Variants in ZBBX observed in about 807,000 individuals in gnomAD.
The protein encoded by ZBBX is zinc finger B-box domain-containing protein 1.
A neutral mutation model predicts 108.5 loss-of-function variants in ZBBX; 101 were observed. The ratio of observed to expected loss-of-function variants is 0.93; its 90% confidence interval spans 0.79 to 1.10. ZBBX has a LOEUF of 1.10. ZBBX is among the 50% of genes least tolerant of loss of function. ZBBX has a pLI of 0.00. For missense variants in ZBBX, 1,009 were observed against 941.4 expected (o/e 1.07, Z -0.94); for synonymous variants, 356 against 323.4 (o/e 1.10, Z -1.08).
intron 20 of ZBBX, among the ~76,000 whole-genome samples, chr3:167,276,243 A>G (rs565721974): frequency 1.3e-5 from 2 of 152,372 alleles, no homozygotes; most frequent in South Asian, 4.1e-4. Flanking sequence ...TGGATGGAGA[A>G]TGACTTTGAC....
At chr3:167,294,920 G>C (rs1731354627) in intron 18 of ZBBX, among the ~76,000 whole-genome samples, 1 of 152,094 alleles carries the variant, frequency 6.6e-6, no homozygotes, top group Non-Finnish European at 1.5e-5. Flanking sequence ...CATTTATGCA[G>C]CCAACAAACA....
chr3:167,400,020 G>T (rs906322626), intron 1 of ZBBX, among the ~76,000 whole-genome samples: 3 of 152,118 alleles, frequency 2.0e-5, no homozygotes, highest in Non-Finnish European at 4.4e-5. Flanking sequence ...CAACCATGTT[G>T]CTGCAGAGGA....
rs533068973 is a variant in ZBBX, at chr3:167,284,885, C to T, written c.1997-2390G>A. On this transcript the variant is annotated intron_variant, in intron 19 of 21. Coordinates refer to ENST00000675490, the MANE Select transcript of ZBBX (RefSeq NM_001199201.2). Reference sequence around the variant, plus strand: ...TTAATATATAAGGGTACTAATGTTACGGTTAAGTTTAAGATATAACACAAC... The same window carrying T: ...TTAATATATAAGGGTACTAATGTTATGGTTAAGTTTAAGATATAACACAAC... Among the ~76,000 whole-genome samples, 8 of 151,988 alleles carry T rather than the reference C, an allele frequency of 5.3e-5. 1 individual carries two copies. The highest frequency in any genetic ancestry group is 3.9e-4 in the Admixed American group (6 of 15,262).
chr3:167,308,634 G>C (rs1576956723), intron 16 of ZBBX, among the ~76,000 whole-genome samples: 1 of 152,018 alleles, frequency 6.6e-6, no homozygotes, highest in Non-Finnish European at 1.5e-5. Context: ...AGAAAAACAA[G>C]ATCATGTACT....
intron 18 of ZBBX, among the ~76,000 whole-genome samples, chr3:167,297,209 T>G (rs965257634): frequency 7.9e-5 from 12 of 152,010 alleles, no homozygotes; most frequent in East Asian, 1.9e-4. Context: ...AATCATTTTT[T>G]TGTGTGTGTG....
At chr3:167,224,560 T>C in the ZBBX span, among the ~76,000 whole-genome samples, 4 of 151,928 alleles carry the variant, frequency 2.6e-5, no homozygotes, top group East Asian at 1.9e-4. Flanking sequence ...CATTTTATGG[T>C]AGATAATAAA....
chr3:167,282,668 A>C, intron 19 of ZBBX, 173 bp from the exon 20 acceptor site: 1 of 557,744 alleles, frequency 1.8e-6, no homozygotes. Flanking sequence ...TCTTAATCTC[A>C]AATTACTTTT....
intron 20 of ZBBX, among the ~76,000 whole-genome samples, chr3:167,267,367 C>A (rs984993910): frequency 1.8e-4 from 28 of 152,220 alleles, no homozygotes; most frequent in East Asian, 1.7e-3. Flanking sequence ...AATAAGCCTC[C>A]AGGGAAGGAT....
chr3:167,329,461 C>T lies in ZBBX; in HGVS notation c.688-1345G>A, dbSNP rs73879669. Among the ~76,000 whole-genome samples, 379 of 152,262 alleles carry T rather than the reference C, an allele frequency of 2.5e-3. 4 individuals are homozygous for T. The highest frequency in any genetic ancestry group is 8.5e-3 in the African/African-American group (353 of 41,566). ...GAGCAAAAAGTATCTGAGGACCTGT[C>T]AGACACTAGACACCATGCTAACCGT... is the stretch of plus-strand genomic sequence containing the variant. On this transcript the variant is annotated intron_variant, in intron 10 of 21. Transcript: ENST00000675490.
Position 167,305,919 on chromosome 3 carries a change from G to A in ZBBX, c.1449C>T (p.Ile483=), listed in dbSNP as rs751732507. 2.5e-5 allele frequency: 39 copies of A among 1,570,036 alleles called. No individual in the cohort carries two copies. The highest frequency in any genetic ancestry group is 1.8e-4 in the Middle Eastern group (1 of 5,702). ...CAGAAGAATACACATCAGGATCCACGATGTTGTCAAAATCTGTGTTTGAAG... is the reference window on the plus strand; with the variant it reads ...CAGAAGAATACACATCAGGATCCACAATGTTGTCAAAATCTGTGTTTGAAG... ...AETSNTDFDN[I]VDPDVYSSDI... Residue 483 remains isoleucine (I), a synonymous_variant, in exon 17 of 22, where the codon ATC becomes ATT. Coordinates refer to ENST00000675490, the MANE Select transcript of ZBBX (RefSeq NM_001199201.2).
intron 20 of ZBBX, among the ~76,000 whole-genome samples, chr3:167,250,976 G>A (rs1184205744): frequency 1.3e-5 from 2 of 152,088 alleles, no homozygotes; most frequent in East Asian, 1.9e-4. Context: ...GTACATCAGC[G>A]GAAAAAGACA....
intron 18 of ZBBX, 53 bp downstream of exon 18, chr3:167,298,252 G>A: frequency 2.8e-6 from 4 of 1,407,586 alleles, no homozygotes; most frequent in Non-Finnish European, 3.8e-6. Flanking sequence ...GAATTGCTCA[G>A]TATTTCCTAA....
At chr3:167,369,991 C>A (rs1745909768) in intron 4 of ZBBX, among the ~76,000 whole-genome samples, 1 of 152,002 alleles carries the variant, frequency 6.6e-6, no homozygotes, top group African/African-American at 2.4e-5. Flanking sequence ...TGGATAGGAT[C>A]ATGAAGAGCC....
chr3:167,286,592 A>G (rs1729748362), intron 19 of ZBBX, among the ~76,000 whole-genome samples: 1 of 152,194 alleles, frequency 6.6e-6, no homozygotes, highest in South Asian at 2.1e-4. Flanking sequence ...GGCTTGGACT[A>G]ATCTTGAATA....
At chr3:167,356,477 C>T (rs1560175576) in intron 8 of ZBBX, among the ~76,000 whole-genome samples, 1 of 152,020 alleles carries the variant, frequency 6.6e-6, no homozygotes, top group Non-Finnish European at 1.5e-5. Flanking sequence ...GCTAAGTTCT[C>T]TAAAACTGTA....
At chr3:167,402,711 A>G (rs1748462251) in intron 1 of ZBBX, among the ~76,000 whole-genome samples, 2 of 152,050 alleles carry the variant, frequency 1.3e-5, no homozygotes, top group South Asian at 4.1e-4. Flanking sequence ...ATAGGTGGGT[A>G]ATCTCAGCAG....
At chr3:167,318,327 A>T (rs1463694970) in intron 12 of ZBBX, among the ~76,000 whole-genome samples, 2 of 152,004 alleles carry the variant, frequency 1.3e-5, no homozygotes, top group South Asian at 4.1e-4. Context: ...GTTAATATGG[A>T]TACAAAATCT....
chr3:167,323,187 G>A (rs1736731465), intron 11 of ZBBX, among the ~76,000 whole-genome samples: 1 of 137,562 alleles, frequency 7.3e-6, no homozygotes, highest in Admixed American at 7.5e-5. Context: ...CCTCCACTAT[G>A]AGTCCCCCTT....
intron 20 of ZBBX, among the ~76,000 whole-genome samples, chr3:167,262,395 G>T (rs780196328): frequency 3.3e-5 from 5 of 152,126 alleles, no homozygotes; most frequent in Admixed American, 6.5e-5. Flanking sequence ...ATAATCTCCC[G>T]CATTCTCTAA....
Sources: allele counts gnomAD v4.1 joint callset (sites outside exome capture counted in the v4.1 genomes callset), GRCh38; gene constraint gnomAD v4.1.1; transcripts MANE v1.5; gene names NCBI Gene and HGNC (gene_info 2026-07-23, HGNC 2026-07-21).